Variants in MACC1 observed in about 807,000 individuals in gnomAD.
MACC1 encodes the protein metastasis-associated in colon cancer protein 1.
A neutral mutation model predicts 70.7 loss-of-function variants in MACC1; 79 were observed. The ratio of observed to expected loss-of-function variants is 1.12; its 90% CI spans 0.93 to 1.35. MACC1 has a LOEUF of 1.35. MACC1 is among the 40% of genes most tolerant of loss of function. The pLI, the probability that MACC1 is intolerant of heterozygous loss-of-function variation, is 0.00. For missense variants in MACC1, 1,106 were observed against 978.1 expected (o/e 1.13, Z -1.74); for synonymous variants, 361 against 347.2 (o/e 1.04, Z -0.44).
chr7:20,171,140 GAA>G (rs1374514539), intron 1 of MACC1, among the ~76,000 whole-genome samples: 4 of 152,028 alleles, frequency 2.6e-5, no homozygotes, highest in African/African-American at 9.7e-5. Flanking sequence ...AACTGATAGA[GAA>G]AGATGGATAT....
intron 1 of MACC1, among the ~76,000 whole-genome samples, chr7:20,186,083 G>A (rs759424952): frequency 2.6e-5 from 4 of 152,158 alleles, no homozygotes; most frequent in African/African-American, 4.8e-5. Context: ...AATTATCGCC[G>A]AATGGACAGA....
At chr7:20,167,942 G>A (rs1387874734) in intron 2 of MACC1, among the ~76,000 whole-genome samples, 1 of 152,284 alleles carries the variant, frequency 6.6e-6, no homozygotes, top group South Asian at 2.1e-4. Flanking sequence ...GCTGGTCCTT[G>A]TTCACAGAGT....
chr7:20,211,573 G>T (rs1782996738), intron 1 of MACC1, among the ~76,000 whole-genome samples: 1 of 152,162 alleles, frequency 6.6e-6, no homozygotes, highest in African/African-American at 2.4e-5. Context: ...CAAGCTTCTG[G>T]CTTTCAGTGA....
chr7:20,175,366 G>A (rs2128105111), intron 1 of MACC1, among the ~76,000 whole-genome samples: 1 of 152,000 alleles, frequency 6.6e-6, no homozygotes, highest in Non-Finnish European at 1.5e-5. Context: ...TTTAATCAAT[G>A]TTTTGGTTTT....
At chr7:20,165,420 C>A (rs61668370) in intron 2 of MACC1, among the ~76,000 whole-genome samples, 4,557 of 152,116 alleles carry the variant, frequency 0.03, 242 homozygotes, top group African/African-American at 0.1. Context: ...TCTCACTATC[C>A]CACAACAAAT....
chr7:20,160,699 G>T (rs1349491900), intron 4 of MACC1, among the ~76,000 whole-genome samples: 1 of 151,962 alleles, frequency 6.6e-6, no homozygotes, highest in Non-Finnish European at 1.5e-5. Context: ...ATTACATTCA[G>T]AATATTAATT....
intron 1 of MACC1, among the ~76,000 whole-genome samples, chr7:20,215,404 G>A (rs961753544): frequency 6.6e-6 from 1 of 152,086 alleles, no homozygotes; most frequent in Admixed American, 6.5e-5. Flanking sequence ...ACTTCCTAGA[G>A]ACACTACACC....
At chr7:20,169,710 A>G (rs1782273925) in intron 2 of MACC1, among the ~76,000 whole-genome samples, 1 of 152,252 alleles carries the variant, frequency 6.6e-6, no homozygotes, top group South Asian at 2.1e-4. Flanking sequence ...TCCTTCTAGT[A>G]TAAACTTGGA....
chr7:20,208,958 G>A (rs1039910743), intron 1 of MACC1, among the ~76,000 whole-genome samples: 1 of 152,248 alleles, frequency 6.6e-6, no homozygotes, highest in Non-Finnish European at 1.5e-5. Flanking sequence ...TTGCTCCAGA[G>A]ACTGCAAGCC....
chr7:20,204,115 G>A (rs941665265), intron 1 of MACC1, among the ~76,000 whole-genome samples: 3 of 152,036 alleles, frequency 2.0e-5, no homozygotes, highest in Middle Eastern at 3.2e-3. Context: ...GGTACATATT[G>A]AAGCCTGAAT....
chr7:20,158,142 A>C (rs934267906), intron 5 of MACC1, 62 bp downstream of exon 5: 5 of 1,505,638 alleles, frequency 3.3e-6, no homozygotes, highest in South Asian at 1.4e-5. Flanking sequence ...TTCAGTTATA[A>C]ATATTGTCAA....
intron 1 of MACC1, among the ~76,000 whole-genome samples, chr7:20,189,032 G>A (rs1465404642): frequency 1.3e-5 from 2 of 152,118 alleles, no homozygotes; most frequent in African/African-American, 4.8e-5. Context: ...GAACACAGCA[G>A]GCATGTTCTT....
chr7:20,185,691 G>C lies in MACC1; in HGVS notation c.-217-14913C>G, dbSNP rs142736408. Among the ~76,000 whole-genome samples, 930 of 152,254 alleles carry C rather than the reference G, an allele frequency of 6.1e-3. 5 individuals carry two copies. Among genetic ancestry groups the C allele is most frequent in the Middle Eastern group, 0.024 (7 of 294 alleles). ...TAAGAAATCTGGCAAAAGTAAGGAC[G>C]AGACTGTCCAATGTACGTTAACTTA... On this transcript the variant is annotated intron_variant, in intron 1 of 6. Transcript: ENST00000400331.
intron 4 of MACC1, among the ~76,000 whole-genome samples, chr7:20,160,721 T>G (rs1437409837): frequency 6.6e-6 from 1 of 152,146 alleles, no homozygotes. Context: ...AATATTTTCC[T>G]TTTCAGATAA....
intron 1 of MACC1, chr7:20,184,865 A>G (rs1382485592): frequency 1.3e-5 from 2 of 152,168 alleles, no homozygotes; most frequent in Admixed American, 1.3e-4. Context: ...GTCTTTTACA[A>G]TATTTCATAT....
chr7:20,193,425 TA>T (rs1290847090), intron 1 of MACC1, among the ~76,000 whole-genome samples: 3 of 152,220 alleles, frequency 2.0e-5, no homozygotes, highest in Admixed American at 6.5e-5. Flanking sequence ...ATATTACAGA[TA>T]AAACTTGGAA....
chr7:20,169,645 A>AT (rs1562590085), intron 2 of MACC1, among the ~76,000 whole-genome samples: 1 of 152,166 alleles, frequency 6.6e-6, no homozygotes, highest in Non-Finnish European at 1.5e-5. Context: ...ATGTAAATGC[A>AT]TTTTTGTAAA....
At chr7:20,213,205 C>T (rs1783023233) in intron 1 of MACC1, among the ~76,000 whole-genome samples, 1 of 152,126 alleles carries the variant, frequency 6.6e-6, no homozygotes, top group African/African-American at 2.4e-5. Flanking sequence ...TAAAGAAATA[C>T]AAATCAAAAC....
Position 20,159,591 on chromosome 7 carries a change from G to A in MACC1, c.770C>T (p.Pro257Leu), listed in dbSNP as rs143659230. ...AAGATCATGGTTAAGCATGTGTGGCGGATCAAGGAAAGCCCTTAGAGACAC... is the reference window on the plus strand; with the variant it reads ...AAGATCATGGTTAAGCATGTGTGGCAGATCAAGGAAAGCCCTTAGAGACAC... ...QEVSLRAFLDPPHMLNHDLSC... is the reference protein window; with the variant it reads ...QEVSLRAFLDLPHMLNHDLSC... The change falls in exon 5 of 7, where the codon CCG becomes CTG. Residue 257 changes from proline (P) to leucine (L), a missense_variant. Transcript: ENST00000400331. 44 of 1,613,988 alleles carry A rather than the reference G, an allele frequency of 2.7e-5. No homozygotes were observed. Among genetic ancestry groups the A allele is most frequent in the South Asian group, 1.8e-4 (16 of 91,084 alleles).
Sources: gnomAD v4.1 joint callset for allele counts (sites outside exome capture counted in the v4.1 genomes callset) on GRCh38, gnomAD v4.1.1 for gene constraint, MANE v1.5 for transcripts, NCBI Gene and HGNC (gene_info 2026-07-23, HGNC 2026-07-21) for gene names.